Variants in ZNF777 observed in about 807,000 individuals in gnomAD.
ZNF777 encodes the protein zinc finger protein 777.
In ZNF777, 7 loss-of-function variants were observed where a neutral mutation model predicts 72.1. The ratio of observed to expected loss-of-function variants is 0.10; its 90% CI spans 0.06 to 0.18. The LOEUF (loss-of-function observed/expected upper bound fraction) is 0.18, where lower values mean the gene tolerates loss of function less well. ZNF777 is among the 10% of genes least tolerant of loss of function. The pLI, the probability that ZNF777 is intolerant of heterozygous loss-of-function variation, is 1.00. For missense variants in ZNF777, 828 were observed against 1,128.6 expected (o/e 0.73, Z 3.82); for synonymous variants, 545 against 483.5 (o/e 1.13, Z -1.67).
At chr7:149,449,295 A>G (rs778626822) in intron 4 of ZNF777, among the ~76,000 whole-genome samples, 1 of 152,252 alleles carries the variant, frequency 6.6e-6, no homozygotes, top group Non-Finnish European at 1.5e-5. Context: ...CCACACAAGG[A>G]GGCCTCTGTG....
intron 3 of ZNF777, among the ~76,000 whole-genome samples, chr7:149,453,435 T>C (rs1799762538): frequency 6.6e-6 from 1 of 152,202 alleles, no homozygotes; most frequent in Non-Finnish European, 1.5e-5. Context: ...AAGTTCTCCA[T>C]ATCAGAGAAA....
chr7:149,449,173 T>C (rs1799669627), intron 4 of ZNF777, among the ~76,000 whole-genome samples: 1 of 152,054 alleles, frequency 6.6e-6, no homozygotes. Flanking sequence ...AGCACAGAGG[T>C]GCGAGTGTGC....
At chr7:149,435,519 G>A (rs1467330198) in intron 5 of ZNF777, among the ~76,000 whole-genome samples, 1 of 151,822 alleles carries the variant, frequency 6.6e-6, no homozygotes, top group Non-Finnish European at 1.5e-5. Flanking sequence ...AAAATACCAT[G>A]GGTATTTTAT....
intron 5 of ZNF777, 79 bp from the exon 6 acceptor site, chr7:149,433,011 C>T (rs1799349502): frequency 7.0e-6 from 10 of 1,434,482 alleles, no homozygotes; most frequent in Non-Finnish European, 9.2e-6. Flanking sequence ...TACAGCACTG[C>T]TTCACCCTCA....
rs1044824303 is a variant in ZNF777 at position 149,436,514 on chromosome 7, C to A, written c.1339+61G>T. 3 of 1,527,158 alleles carry A rather than the reference C, an allele frequency of 2.0e-6. No homozygotes were observed. In the Admixed American group the frequency reaches 5.5e-5, roughly 28 times the overall value. 94.6% of individuals were successfully genotyped at this position (1,527,158 alleles called of 1,614,324 possible). A position where few individuals can be genotyped will look rare whatever the true frequency, so the allele number is the denominator to read the frequency against. On this transcript the variant is annotated intron_variant, in intron 5 of 5. Transcript: ENST00000247930. This position sits in a 1 kb window ranked among gnomAD's most constrained non-coding sequence, Gnocchi z 5.0. ...AAGGAACCACAGCTTTCCCAGGGGG[C>A]AGGGGCCCTCTGGGAGGCCTCATGG...
rs1300207359 is a variant in ZNF777, at chr7:149,455,661, G to C, written c.362C>G (p.Ser121Cys). 8.4e-6 allele frequency: 13 copies of C among 1,539,406 alleles called. No homozygotes were observed. The highest frequency in any genetic ancestry group is 1.7e-4 in the Middle Eastern group (1 of 5,756). The change falls in exon 2 of 6, where the codon TCC (serine) becomes TGC (cysteine). Residue 121 changes from serine (S) to cysteine (C), a missense_variant. By Grantham distance (112) the Ser-to-Cys change is moderately radical. Coordinates refer to ENST00000247930, the MANE Select transcript of ZNF777 (RefSeq NM_015694.3). The surrounding 1 kb of genome is among the most constrained non-coding windows in gnomAD (Gnocchi z 4.2). Reference sequence around the variant, plus strand: ...AACGGGGGCTTCCTGGTGGTGGGGGGAGTGGGAGAGAAGGGAGACTTCTTG... The same window carrying C: ...AACGGGGGCTTCCTGGTGGTGGGGGCAGTGGGAGAGAAGGGAGACTTCTTG... ...AEQEVSLLSH[S>C]PHHQEAPVHS...
At chr7:149,448,215 C>G in intron 4 of ZNF777, among the ~76,000 whole-genome samples, 1 of 151,764 alleles carries the variant, frequency 6.6e-6, no homozygotes, top group South Asian at 2.1e-4. Context: ...CCTTTAATCC[C>G]AACACTTTGG....
In ZNF777 at chr7:149,455,942, G is replaced by A. The variant is rs1347546304; in HGVS notation, c.81C>T (p.Leu27=). 4 of 1,613,568 alleles carry A rather than the reference G, an allele frequency of 2.5e-6. No homozygotes were observed. In the African/African-American group the frequency reaches 4.0e-5, roughly 16 times the overall value. Residue 27 remains leucine, a synonymous_variant, in exon 2 of 6, where the codon CTC becomes CTT. Transcript: ENST00000247930. The surrounding 1 kb of genome is among the most constrained non-coding windows in gnomAD (Gnocchi z 4.2). ...GGGATTGGAACAGAGTTTCTCGGGG[G>A]AGTCCAGCAGGGGCCTGACGTAAGG... ...EETLRQAPAG[L]PRETLFQSRV...
intron 4 of ZNF777, among the ~76,000 whole-genome samples, chr7:149,437,799 C>CTTTTTTTTTT (rs796721387): frequency 2.0e-4 from 23 of 115,644 alleles, no homozygotes; most frequent in South Asian, 3.0e-4. Context: ...ATGTTTGTTT[C>CTTTTTTTTTT]TTTTTCTTTT....
chr7:149,435,652 T>C (rs1241481148), intron 5 of ZNF777, among the ~76,000 whole-genome samples: 1 of 152,036 alleles, frequency 6.6e-6, no homozygotes, highest in Non-Finnish European at 1.5e-5. Flanking sequence ...GAAAATACAA[T>C]ACAAACGTAA....
intron 3 of ZNF777, among the ~76,000 whole-genome samples, chr7:149,453,487 T>C (rs1015505833): frequency 6.6e-6 from 1 of 152,180 alleles, no homozygotes; most frequent in Non-Finnish European, 1.5e-5. Flanking sequence ...GTAAGTAAAG[T>C]ATATTTTTCC....
intron 3 of ZNF777, among the ~76,000 whole-genome samples, chr7:149,453,231 T>C (rs982650140): frequency 2.0e-5 from 3 of 152,108 alleles, no homozygotes; most frequent in East Asian, 3.8e-4. Flanking sequence ...TGCTCTTAAT[T>C]ATATAAATCA....
Position 149,432,060 on chromosome 7 carries a change from T to C in ZNF777, c.2212A>G (p.Thr738Ala). ...EKSFSEKSKL[T>A]NHCRVHSRER... ...CGCGAGTGCACGCGGCAGTGGTTGG[T>C]GAGCTTGGACTTCTCGCTGAAGCTC... The change falls in exon 6 of 6, where the codon ACC becomes GCC. Residue 738 changes from threonine (T) to alanine (A), a missense_variant. Physicochemically the swap from Thr to Ala is moderately conservative, Grantham distance 58. Around this residue, in one of 12 missense-constraint regions of ZNF777, gnomAD observed 49 missense variants for 135.8 expected, o/e 0.36. Transcript: ENST00000247930. The C allele has an allele frequency of 6.2e-7, 1 of 1,605,360 alleles. No individual in the cohort carries two copies. Among genetic ancestry groups the C allele is most frequent in the South Asian group, 1.1e-5 (1 of 91,014 alleles).
Position 149,431,460 on chromosome 7 carries a change from C to A in ZNF777, c.*316G>T. The A allele has an allele frequency of 2.2e-6, 1 of 445,004 alleles. No individual in the cohort carries two copies. Among genetic ancestry groups the A allele is most frequent in the Middle Eastern group, 3.3e-4 (1 of 3,042 alleles). 27.6% of individuals were successfully genotyped at this position (445,004 alleles called of 1,614,324 possible). A position where few individuals can be genotyped will look rare whatever the true frequency, so the allele number is the denominator to read the frequency against. ...CCAACTAGATGGGCCCTACACCGCC[C>A]CTCTGAGTGGCCGGCGGCCAAATCA... On this transcript the variant is annotated 3_prime_UTR_variant, in exon 6 of 6. Transcript: ENST00000247930.
At position 149,436,545 on chromosome 7, in the gene ZNF777, C is replaced by T. The variant is rs1427411316; in HGVS notation, c.1339+30G>A. The T allele has an allele frequency of 1.3e-6, 2 of 1,561,216 alleles. No individual in the cohort carries two copies. The highest frequency in any genetic ancestry group is 1.7e-6 in the Non-Finnish European group (2 of 1,151,624). ...CCCTCTGGGAGGCCTCATGGCAACC[C>T]TTCCCCGGCCGTCCCCGCCCAGCAC... On this transcript the variant is annotated intron_variant, in intron 5 of 5. Coordinates refer to ENST00000247930, the MANE Select transcript of ZNF777 (RefSeq NM_015694.3). The surrounding 1 kb of genome is among the most constrained non-coding windows in gnomAD (Gnocchi z 5.0).
In ZNF777 at chr7:149,432,925, G is replaced by A; in HGVS notation, c.1347C>T (p.Ile449=). 6.8e-7 allele frequency: 1 copy of A among 1,478,098 alleles called. No individual in the cohort carries two copies. Among genetic ancestry groups the A allele is most frequent in the Non-Finnish European group, 9.0e-7 (1 of 1,113,406 alleles). The allele number at this position is 1,478,098 out of a possible 1,614,324, so 91.6% of individuals were successfully genotyped here. The part of the protein sequence containing the change: ...LVQQRNCTEG[I]VIKTEEQDEE... ...CGTCTTGTTCCTCTGTCTTGATCACGATCCCCTCTGCTCCAGGGACAGAGA... is the reference window on the plus strand; with the variant it reads ...CGTCTTGTTCCTCTGTCTTGATCACAATCCCCTCTGCTCCAGGGACAGAGA... The change falls in exon 6 of 6, where the codon ATC becomes ATT. Residue 449 remains isoleucine (I), a synonymous_variant. Transcript: ENST00000247930.
At chr7:149,456,137 T>G (rs1799826924) in intron 1 of ZNF777, 100 bp from the exon 2 acceptor site, 1 of 1,311,218 alleles carries the variant, frequency 7.6e-7, no homozygotes, top group African/African-American at 1.5e-5. Flanking sequence ...GTGCTTCCGT[T>G]TGGTAGCAAT....
intron 4 of ZNF777, among the ~76,000 whole-genome samples, chr7:149,440,182 T>TA (rs935968573): frequency 6.6e-6 from 1 of 152,208 alleles, no homozygotes; most frequent in African/African-American, 2.4e-5. Flanking sequence ...TCAATTTTGT[T>TA]AAAGGTAAAA....
chr7:149,431,651 AGG>A lies in ZNF777; in HGVS notation c.*123_*124del. 1.2e-6 allele frequency: 1 copy of A among 867,908 alleles called. No homozygotes were observed. Among genetic ancestry groups the A allele is most frequent in the South Asian group, 1.6e-5 (1 of 62,850 alleles). 53.8% of individuals were successfully genotyped at this position (867,908 alleles called of 1,614,324 possible). A position where few individuals can be genotyped will look rare whatever the true frequency, so the allele number is the denominator to read the frequency against. ...TCCTTGGGAGGAGGGACGAGAGGAG[AGG>A]GGGAGCTCACGGCAAAGGGGCTGGG... On this transcript the variant is annotated 3_prime_UTR_variant, in exon 6 of 6. Coordinates refer to ENST00000247930, the MANE Select transcript of ZNF777 (RefSeq NM_015694.3).
Sources: allele counts gnomAD v4.1 joint callset (sites outside exome capture counted in the v4.1 genomes callset), GRCh38; gene constraint gnomAD v4.1.1; regional missense constraint gnomAD v4.1.1; non-coding constraint Gnocchi (gnomAD v3.1); transcripts MANE v1.5; gene names NCBI Gene and HGNC (gene_info 2026-07-23, HGNC 2026-07-21).